Variants in FRMD3 observed in about 807,000 individuals in gnomAD.
The protein encoded by FRMD3 is FERM domain-containing protein 3.
A neutral mutation model predicts 70.2 loss-of-function variants in FRMD3; 33 were observed. The observed-to-expected ratio is 0.47, with a 90% CI of 0.36 to 0.63. The LOEUF is 0.63. FRMD3 is among the 20% of genes least tolerant of loss of function. The probability of loss-of-function intolerance (pLI) is 0.00; values close to 1 mark genes in which losing one functional copy is unlikely to be tolerated. For missense variants in FRMD3, 632 were observed against 711.4 expected (o/e 0.89, Z 1.27); for synonymous variants, 279 against 255.9 (o/e 1.09, Z -0.86).
intron 6 of FRMD3, among the ~76,000 whole-genome samples, chr9:83,321,685 T>C (rs1835808594): frequency 6.6e-6 from 1 of 152,216 alleles, no homozygotes; most frequent in Non-Finnish European, 1.5e-5. Context: ...TGTAAATGTC[T>C]AAGTCTACAT....
At chr9:83,579,317 C>G in the FRMD3 span, among the ~76,000 whole-genome samples, 3 of 150,546 alleles carry the variant, frequency 2.0e-5, no homozygotes, top group South Asian at 6.3e-4. Flanking sequence ...AAAAAAAAAT[C>G]CTTAAATTCA....
intron 3 of FRMD3, among the ~76,000 whole-genome samples, chr9:83,360,657 C>T (rs1221319663): frequency 6.6e-6 from 1 of 152,196 alleles, no homozygotes; most frequent in Non-Finnish European, 1.5e-5. Flanking sequence ...CCCTGTCACA[C>T]TACCCCGCTT....
intron 6 of FRMD3, among the ~76,000 whole-genome samples, chr9:83,329,568 T>G (rs1054959797): frequency 6.6e-6 from 1 of 152,204 alleles, no homozygotes; most frequent in African/African-American, 2.4e-5. Context: ...AACTCCATTT[T>G]TTTAAACTAT....
At chr9:83,321,803 T>C (rs975803319) in intron 6 of FRMD3, among the ~76,000 whole-genome samples, 1 of 152,234 alleles carries the variant, frequency 6.6e-6, no homozygotes, top group Non-Finnish European at 1.5e-5. Context: ...GTTGTATTTC[T>C]GTCTGTCTCT....
At chr9:83,264,365 A>T (rs1377479183) in intron 13 of FRMD3, among the ~76,000 whole-genome samples, 1 of 152,236 alleles carries the variant, frequency 6.6e-6, no homozygotes, top group African/African-American at 2.4e-5. Context: ...ACTATTATGT[A>T]TGATACAACA....
intron 1 of FRMD3, among the ~76,000 whole-genome samples, chr9:83,405,702 T>C (rs540797021): frequency 6.6e-6 from 1 of 150,830 alleles, no homozygotes; most frequent in East Asian, 2.0e-4. Flanking sequence ...CCCGATCTTG[T>C]GGTGAGCCAA....
intron 5 of FRMD3, among the ~76,000 whole-genome samples, chr9:83,340,643 A>T (rs2131155505): frequency 6.6e-6 from 1 of 152,356 alleles, no homozygotes; most frequent in Middle Eastern, 3.4e-3. Context: ...ATATAAATAG[A>T]TCCCAAGGAT....
At chr9:83,296,483 G>A (rs375258480) in intron 12 of FRMD3, among the ~76,000 whole-genome samples, 12 of 152,242 alleles carry the variant, frequency 7.9e-5, no homozygotes, top group East Asian at 7.7e-4. Flanking sequence ...AGATAGACAC[G>A]GTCCTTTCCT....
At chr9:83,553,323 G>A in the FRMD3 span, among the ~76,000 whole-genome samples, 2 of 152,176 alleles carry the variant, frequency 1.3e-5, no homozygotes, top group African/African-American at 2.4e-5. Flanking sequence ...GGCTTGTAGG[G>A]TTTCAGCTGA....
chr9:83,489,588 AT>A (rs1343565590), intron 1 of FRMD3, among the ~76,000 whole-genome samples: 2 of 152,232 alleles, frequency 1.3e-5, no homozygotes, highest in African/African-American at 4.8e-5. Flanking sequence ...GATGGCTATT[AT>A]TAAAAAATCA....
intron 9 of FRMD3, 120 bp from the exon 10 acceptor site, chr9:83,309,744 GTAACT>G (rs748277473): frequency 5.7e-5 from 34 of 594,322 alleles, no homozygotes; most frequent in Non-Finnish European, 9.3e-5. Context: ...CAGACTTGAA[GTAACT>G]TAACATATTG....
chr9:83,261,100 T>TACACACACAC (rs1402795499), intron 13 of FRMD3, among the ~76,000 whole-genome samples: 522 of 27,050 alleles, frequency 0.019, 4 homozygotes, highest in African/African-American at 0.049. Flanking sequence ...AAAGGAAACT[T>TACACACACAC]AGACACACAC....
At chr9:83,352,741 T>C (rs776198790) in intron 3 of FRMD3, among the ~76,000 whole-genome samples, 6 of 152,218 alleles carry the variant, frequency 3.9e-5, no homozygotes, top group Non-Finnish European at 8.8e-5. Context: ...GTCTGCTCTA[T>C]GCTTCCTCAA....
intron 6 of FRMD3, among the ~76,000 whole-genome samples, chr9:83,326,960 C>T (rs1587728387): frequency 6.6e-6 from 1 of 152,150 alleles, no homozygotes; most frequent in African/African-American, 2.4e-5. Context: ...TTTATTGATC[C>T]TCCTTTAGCA....
intron 1 of FRMD3, among the ~76,000 whole-genome samples, chr9:83,437,223 T>C (rs539552480): frequency 2.0e-5 from 3 of 152,320 alleles, no homozygotes; most frequent in South Asian, 2.1e-4. Context: ...TTGTAAAAGA[T>C]TGGTAAGTTG....
chr9:83,245,646 C>T lies in FRMD3; in HGVS notation c.*2272G>A, dbSNP rs780772056. On this transcript the variant is annotated 3_prime_UTR_variant, in exon 14 of 14. Coordinates refer to ENST00000304195, the MANE Select transcript of FRMD3 (RefSeq NM_174938.6). Reference sequence around the variant, plus strand: ...TTTTACAATGGAAAATATATTAGTTCCATAATTTAAAAAATATTATATAAT... The same window carrying T: ...TTTTACAATGGAAAATATATTAGTTTCATAATTTAAAAAATATTATATAAT... The T allele has an allele frequency of 8.4e-6, 7 of 833,488 alleles. No homozygotes were observed. The highest frequency in any genetic ancestry group is 1.0e-5 in the Non-Finnish European group (7 of 691,674). The allele number at this position is 833,488 out of a possible 1,614,324, so 51.6% of individuals were successfully genotyped here.
chr9:83,287,529 C>A (rs1157197429), intron 13 of FRMD3, among the ~76,000 whole-genome samples: 3 of 152,178 alleles, frequency 2.0e-5, no homozygotes, highest in Non-Finnish European at 4.4e-5. Context: ...AGGTTAAAGT[C>A]TAAATTCTCC....
intron 6 of FRMD3, among the ~76,000 whole-genome samples, chr9:83,325,246 C>T (rs1166991520): frequency 2.6e-5 from 4 of 152,098 alleles, no homozygotes; most frequent in Admixed American, 1.3e-4. Flanking sequence ...CGCTAAAAGC[C>T]CACACTTCAC....
chr9:83,355,673 G>A (rs1415445337), intron 3 of FRMD3, among the ~76,000 whole-genome samples: 1 of 152,210 alleles, frequency 6.6e-6, no homozygotes, highest in Admixed American at 6.5e-5. Flanking sequence ...TTATCTAAAT[G>A]TGAGATTGTG....
Sources: allele counts gnomAD v4.1 joint callset (sites outside exome capture counted in the v4.1 genomes callset), GRCh38; gene constraint gnomAD v4.1.1; transcripts MANE v1.5; gene names NCBI Gene and HGNC (gene_info 2026-07-23, HGNC 2026-07-21).